Variants in GCLC observed in about 807,000 individuals in gnomAD.
GCLC encodes the protein glutamate--cysteine ligase catalytic subunit.
A neutral mutation model predicts 81.5 loss-of-function variants in GCLC; 30 were observed. That is an observed-to-expected ratio of 0.37 (90% confidence interval 0.28 to 0.50). The LOEUF is 0.50. Ranked by LOEUF, GCLC falls within the 20% of genes least tolerant of loss-of-function variation. The probability of loss-of-function intolerance (pLI) is 0.96; values close to 1 mark genes in which losing one functional copy is unlikely to be tolerated. For missense variants in GCLC, 556 were observed against 777.4 expected (o/e 0.72, Z 3.39); for synonymous variants, 262 against 273.3 (o/e 0.96, Z 0.41).
chr6:53,514,303 T>C lies in GCLC; in HGVS notation c.654A>G (p.Ile218Met). 6.3e-7 allele frequency: 1 copy of C among 1,598,006 alleles called. No individual in the cohort carries two copies. ...FKDKNTPSPF[I>M]ETFTEDDEAS... Reference sequence around the variant, plus strand: ...CTTCATCATCCTCAGTAAATGTTTCTATAAATGGAGATGGTGTATTCTTGT... The same window carrying C: ...CTTCATCATCCTCAGTAAATGTTTCCATAAATGGAGATGGTGTATTCTTGT... The change falls in exon 6 of 16, where the codon ATA becomes ATG. Residue 218 changes from isoleucine (I) to methionine (M), a missense_variant. Ile to Met is a conservative substitution (Grantham distance 10, BLOSUM62 1). Coordinates refer to ENST00000650454, the MANE Select transcript of GCLC (RefSeq NM_001498.4).
At chr6:53,541,298 A>G (rs1442291257) in intron 1 of GCLC, among the ~76,000 whole-genome samples, 4 of 152,234 alleles carry the variant, frequency 2.6e-5, no homozygotes, top group African/African-American at 9.6e-5. Flanking sequence ...CGGGAGGTAG[A>G]ACAAGCGCGG....
chr6:53,532,188 T>C (rs1763182459), intron 1 of GCLC, among the ~76,000 whole-genome samples: 1 of 152,242 alleles, frequency 6.6e-6, no homozygotes, highest in African/African-American at 2.4e-5. Context: ...TCAGATGTTT[T>C]TGGCAATTTC....
At chr6:53,540,449 T>C (rs1362043833) in intron 1 of GCLC, among the ~76,000 whole-genome samples, 3 of 152,100 alleles carry the variant, frequency 2.0e-5, no homozygotes, top group Non-Finnish European at 4.4e-5. Flanking sequence ...TTATATCAAG[T>C]ACTAAAGTAG....
intron 6 of GCLC, 69 bp downstream of exon 6, chr6:53,514,135 C>A: frequency 1.4e-6 from 2 of 1,409,594 alleles, no homozygotes; most frequent in Non-Finnish European, 2.0e-6. Flanking sequence ...AGGAAACATG[C>A]ATATATAAAG....
At chr6:53,538,654 C>A (rs1339018467) in intron 1 of GCLC, among the ~76,000 whole-genome samples, 4 of 152,158 alleles carry the variant, frequency 2.6e-5, no homozygotes, top group African/African-American at 9.6e-5. Context: ...ATTGGAAGTT[C>A]AAACTCAATG....
chr6:53,502,576 T>C (rs894122886), intron 12 of GCLC, among the ~76,000 whole-genome samples: 4 of 152,256 alleles, frequency 2.6e-5, no homozygotes, highest in Non-Finnish European at 5.9e-5. Context: ...CTGCTTTCTC[T>C]ATCCCATTTA....
At chr6:53,540,704 C>CA (rs1468787205) in intron 1 of GCLC, among the ~76,000 whole-genome samples, 4 of 146,402 alleles carry the variant, frequency 2.7e-5, no homozygotes, top group East Asian at 3.9e-4. Context: ...CACACACACA[C>CA]AAAAGTCCTG....
At position 53,508,395 on chromosome 6, in the gene GCLC, A is replaced by T. The variant is rs142668859; in HGVS notation, c.945+200T>A. ...ATCAGCACTTCCAAAATATAGAAAA[A>T]TCGGACTACTAATTTTAAATGAAGC... On this transcript the variant is annotated intron_variant, in intron 8 of 15. Coordinates refer to ENST00000650454, the MANE Select transcript of GCLC (RefSeq NM_001498.4). Among the ~76,000 whole-genome samples the T allele has an allele frequency of 2.6e-5, 4 of 152,306 alleles. No individual in the cohort carries two copies. The East Asian group carries it at 7.7e-4, about 29-fold the overall frequency.
At chr6:53,517,725 C>T (rs1424735750) in intron 3 of GCLC, among the ~76,000 whole-genome samples, 1 of 152,116 alleles carries the variant, frequency 6.6e-6, no homozygotes, top group Admixed American at 6.6e-5. Context: ...ACACCTACGG[C>T]ACTGCTTCAT....
At chr6:53,518,473 A>G (rs1357426337) in intron 3 of GCLC, among the ~76,000 whole-genome samples, 1 of 152,014 alleles carries the variant, frequency 6.6e-6, no homozygotes, top group African/African-American at 2.4e-5. Context: ...CTGGTCTCGA[A>G]CTCCTGACTT....
chr6:53,526,853 T>A (rs1763092217), intron 1 of GCLC, among the ~76,000 whole-genome samples: 1 of 150,034 alleles, frequency 6.7e-6, no homozygotes, highest in Non-Finnish European at 1.5e-5. Context: ...TATGAAATAC[T>A]AATTTCTTAA....
rs750511643 is a variant in GCLC at position 53,544,610 on chromosome 6, C to G, written c.36G>C (p.Trp12Cys). The G allele has an allele frequency of 6.2e-7, 1 of 1,602,680 alleles. No homozygotes were observed. Among genetic ancestry groups the G allele is most frequent in the Non-Finnish European group, 8.5e-7 (1 of 1,179,528 alleles). Reference protein sequence around the residue: ...GLLSQGSPLSWEETKRHADHV... With the variant: ...GLLSQGSPLSCEETKRHADHV... ...GGTCGGCATGGCGCTTGGTTTCCTC[C>G]CAGCTCAGCGGCGAGCCCTGGGACA... The change falls in exon 1 of 16, where the codon TGG (tryptophan) becomes TGC (cysteine). Residue 12 changes from tryptophan (W) to cysteine (C), a missense_variant. This residue lies in a region of GCLC where 234 missense variants were observed against 303.8 expected (regional missense o/e 0.77). Coordinates refer to ENST00000650454, the MANE Select transcript of GCLC (RefSeq NM_001498.4).
At chr6:53,542,907 G>A (rs534225532) in intron 1 of GCLC, among the ~76,000 whole-genome samples, 1 of 152,200 alleles carries the variant, frequency 6.6e-6, no homozygotes, top group African/African-American at 2.4e-5. Context: ...TACTCAGGAG[G>A]CTGAGGCAGG....
In GCLC at chr6:53,497,582, T is replaced by C. The variant is rs774778249; in HGVS notation, c.*1174A>G. The C allele has an allele frequency of 2.0e-5, 3 of 152,644 alleles. No homozygotes were observed. The highest frequency in any genetic ancestry group is 2.9e-5 in the Non-Finnish European group (2 of 68,046). 9.5% of individuals were successfully genotyped at this position (152,644 alleles called of 1,614,324 possible). ...TAGCATATTACAGTTTAAATATTTA[T>C]GCCTGTAAAGATCTGCATAATCTAC... On this transcript the variant is annotated 3_prime_UTR_variant, in exon 16 of 16. Coordinates refer to ENST00000650454, the MANE Select transcript of GCLC (RefSeq NM_001498.4).
chr6:53,530,539 A>G (rs1394888601), intron 1 of GCLC, among the ~76,000 whole-genome samples: 1 of 152,202 alleles, frequency 6.6e-6, no homozygotes, highest in Non-Finnish European at 1.5e-5. Context: ...CTGCATAACT[A>G]TCAAATGAGG....
At position 53,544,778 on chromosome 6, in the gene GCLC, C is replaced by T. The variant is rs1050777517; in HGVS notation, c.-133G>A. 8.0e-6 allele frequency: 7 copies of T among 872,326 alleles called. No individual in the cohort carries two copies. Among genetic ancestry groups the T allele is most frequent in the African/African-American group, 3.6e-5 (2 of 55,028 alleles). 54.0% of individuals were successfully genotyped at this position (872,326 alleles called of 1,614,324 possible). A position where few individuals can be genotyped will look rare whatever the true frequency, so the allele number is the denominator to read the frequency against. On this transcript the variant is annotated 5_prime_UTR_variant, in exon 1 of 16. Transcript: ENST00000650454. ...CGCGGGGGCGCTCTCGGGCCGCAGT[C>T]GGCGGAGGGAGGGTCCTGCCCGCTC...
At position 53,531,902 on chromosome 6, in the gene GCLC, A is replaced by G. The variant is rs3799695; in HGVS notation, c.151-9375T>C. 0.012 allele frequency among the ~76,000 whole-genome samples: 1,875 copies of G among 152,364 alleles called. 95 individuals are homozygous for G. The East Asian group carries it at 0.18, about 15-fold the overall frequency. ...TTGGCTTTTAAATCATCTGAAAATAAGAGAAAACCCAATGTCCCTTCCAGT... is the reference window on the plus strand; with the variant it reads ...TTGGCTTTTAAATCATCTGAAAATAGGAGAAAACCCAATGTCCCTTCCAGT... On this transcript the variant is annotated intron_variant, in intron 1 of 15. Transcript: ENST00000650454.
In GCLC at chr6:53,506,720, C is replaced by A; in HGVS notation, c.1197+193G>T. On this transcript the variant is annotated intron_variant, in intron 10 of 15. Coordinates refer to ENST00000650454, the MANE Select transcript of GCLC (RefSeq NM_001498.4). This position sits in a 1 kb window ranked among gnomAD's most constrained non-coding sequence, Gnocchi z 4.0. ...ATCGTAAAATAAGAGTACTTGAAAC[C>A]GATTTTTTATTTGTCCAAGTTCTTT... 5.3e-6 allele frequency: 3 copies of A among 566,792 alleles called. No individual in the cohort carries two copies. Among genetic ancestry groups the A allele is most frequent in the East Asian group, 6.0e-5 (2 of 33,430 alleles). 35.1% of individuals were successfully genotyped at this position (566,792 alleles called of 1,614,324 possible).
At chr6:53,525,983 G>A (rs1354227482) in intron 1 of GCLC, among the ~76,000 whole-genome samples, 1 of 152,102 alleles carries the variant, frequency 6.6e-6, no homozygotes, top group Non-Finnish European at 1.5e-5. Context: ...AAATCTCTTA[G>A]ACTTCTAGTG....
Sources: gnomAD v4.1 joint callset for allele counts (sites outside exome capture counted in the v4.1 genomes callset) on GRCh38, gnomAD v4.1.1 for gene constraint, gnomAD v4.1.1 regional missense constraint, Gnocchi (gnomAD v3.1) non-coding constraint, MANE v1.5 for transcripts, NCBI Gene and HGNC (gene_info 2026-07-23, HGNC 2026-07-21) for gene names.